Variants in TECTA observed in about 807,000 individuals in gnomAD.
TECTA encodes tectorin alpha, also known as alpha-tectorin.
A neutral mutation model predicts 216.8 loss-of-function variants in TECTA; 128 were observed. The observed-to-expected ratio is 0.59, with a 90% CI of 0.51 to 0.68. The LOEUF is 0.68. Among genes scored for constraint, TECTA ranks in the 30% least tolerant of loss-of-function variants. The pLI, the probability that TECTA is intolerant of heterozygous loss-of-function variation, is 0.00. For missense variants in TECTA, 2,551 were observed against 2,786.2 expected (o/e 0.92, Z 1.90); for synonymous variants, 1,089 against 1,117.1 (o/e 0.97, Z 0.50).
chr11:121,187,432 C>T (rs1169262263), intron 20 of TECTA, among the ~76,000 whole-genome samples: 2 of 152,188 alleles, frequency 1.3e-5, no homozygotes, highest in Non-Finnish European at 2.9e-5. Flanking sequence ...GTCAGGGGCC[C>T]TTGCCAACAT....
chr11:121,141,530 C>G (rs984927998), intron 11 of TECTA, among the ~76,000 whole-genome samples: 1 of 152,148 alleles, frequency 6.6e-6, no homozygotes, highest in East Asian at 1.9e-4. Flanking sequence ...AGAAGGTGAG[C>G]CACTCCTGGG....
At chr11:121,106,843 C>G (rs1237635348) in intron 3 of TECTA, among the ~76,000 whole-genome samples, 2 of 152,188 alleles carry the variant, frequency 1.3e-5, no homozygotes, top group African/African-American at 4.8e-5. Flanking sequence ...CCTGCAGAAG[C>G]AGCGTCACAC....
rs1946469041 is a variant in TECTA, at chr11:121,113,771, A to G, written c.790+53A>G. ...GGCAGGGTTTGTTTAGTGTAGATTG[A>G]CAGGCAAGCTTTTAAGCCACGGGGG... On this transcript the variant is annotated intron_variant, in intron 6 of 23. Transcript: ENST00000392793. This position sits in a 1 kb window ranked among gnomAD's most constrained non-coding sequence, Gnocchi z 4.2. 2 of 1,607,120 alleles carry G rather than the reference A, an allele frequency of 1.2e-6. No homozygotes were observed. Among genetic ancestry groups the G allele is most frequent in the African/African-American group, 1.3e-5 (1 of 74,478 alleles).
At chr11:121,160,519 C>A in intron 15 of TECTA, 98 bp downstream of exon 15, 1 of 1,508,624 alleles carries the variant, frequency 6.6e-7, no homozygotes, top group Non-Finnish European at 9.1e-7. Flanking sequence ...TTAGCACTGC[C>A]CCTGCTCTCC....
At chr11:121,166,441 A>C in intron 17 of TECTA, 137 bp from the exon 18 acceptor site, 1 of 852,120 alleles carries the variant, frequency 1.2e-6, no homozygotes, top group South Asian at 1.4e-5. Context: ...TGATCAAAGC[A>C]TAATTAGAAA....
At position 121,109,535 on chromosome 11, in the gene TECTA, C is replaced by G. The variant is rs112018995; in HGVS notation, c.486+37C>G. The G allele has an allele frequency of 8.3e-4, 1,337 of 1,611,900 alleles. 9 individuals carry two copies. In the African/African-American group the frequency reaches 0.013, roughly 15 times the overall value. On this transcript the variant is annotated intron_variant, in intron 4 of 23. Transcript: ENST00000392793. ...AATTTTCTGCTTTCCACTTCATAAC[C>G]TGACATCTAATTCTTGTCCATCTTC...
At chr11:121,187,017 A>C (rs1947294897) in intron 20 of TECTA, among the ~76,000 whole-genome samples, 1 of 152,222 alleles carries the variant, frequency 6.6e-6, no homozygotes. Flanking sequence ...GCTGTTGGCA[A>C]ACTCAGAAAA....
In TECTA at chr11:121,106,099, G is replaced by T; in HGVS notation, c.198+135G>T. 2.2e-6 allele frequency: 3 copies of T among 1,343,880 alleles called. No individual in the cohort carries two copies. The South Asian group carries it at 3.6e-5, about 16-fold the overall frequency. 83.2% of individuals were successfully genotyped at this position (1,343,880 alleles called of 1,614,324 possible). Reference sequence around the variant, plus strand: ...TGGCAGCCAAAACGACAAGTTCTGAGATTTCATGAGCTGATAGGTTTTATG... The same window carrying T: ...TGGCAGCCAAAACGACAAGTTCTGATATTTCATGAGCTGATAGGTTTTATG... On this transcript the variant is annotated intron_variant, in intron 3 of 23. Transcript: ENST00000392793.
chr11:121,161,419 A>G (rs775936684), intron 15 of TECTA, among the ~76,000 whole-genome samples: 1 of 151,910 alleles, frequency 6.6e-6, no homozygotes, highest in Non-Finnish European at 1.5e-5. Context: ...TGGACATTAC[A>G]TTTAGAACAC....
Position 121,146,017 on chromosome 11 carries a change from G to T in TECTA, c.4006G>T (p.Gly1336Cys). The change falls in exon 12 of 24, where the codon GGC (glycine) becomes TGC (cysteine). Residue 1336 changes from glycine (G) to cysteine (C), a missense_variant. Around this residue, in one of 3 missense-constraint regions of TECTA, gnomAD observed 2,375 missense variants for 2,563.9 expected, o/e 0.93. Transcript: ENST00000392793. ...NCLFDSCIDG[G>C]AVQTACSWLQ... Reference sequence around the variant, plus strand: ...CCTGTTTGACTCTTGCATCGATGGGGGCGCGGTGCAGACCGCCTGCAGCTG... The same window carrying T: ...CCTGTTTGACTCTTGCATCGATGGGTGCGCGGTGCAGACCGCCTGCAGCTG... The T allele has an allele frequency of 1.9e-6, 3 of 1,614,072 alleles. No homozygotes were observed. The highest frequency in any genetic ancestry group is 2.5e-6 in the Non-Finnish European group (3 of 1,180,050).
intron 4 of TECTA, among the ~76,000 whole-genome samples, chr11:121,111,466 A>G (rs1302484001): frequency 3.9e-5 from 6 of 152,218 alleles, no homozygotes; most frequent in Admixed American, 2.0e-4. Flanking sequence ...ATGAACGTTG[A>G]AGAATTCTGT....
chr11:121,137,971 C>A lies in TECTA; in HGVS notation c.3492C>A (p.Thr1164=). The A allele has an allele frequency of 6.2e-7, 1 of 1,613,034 alleles. No homozygotes were observed. The highest frequency in any genetic ancestry group is 1.1e-5 in the South Asian group (1 of 91,062). The change falls in exon 11 of 24, where the codon ACC becomes ACA. Residue 1164 remains threonine, a synonymous_variant. Transcript: ENST00000392793. ...TGTGGGTTAAGCAGGTGGACGTGAC[C>A]GTGTTTGGCTACAGCATCGTGATCC... ...LALWVKQVDV[T]VFGYSIVIHR...
chr11:121,150,141 T>C (rs1237258729), intron 12 of TECTA, among the ~76,000 whole-genome samples: 1 of 152,146 alleles, frequency 6.6e-6, no homozygotes, highest in Non-Finnish European at 1.5e-5. Flanking sequence ...AACAAGTGAA[T>C]ACTGGCCCAT....
chr11:121,118,989 A>T (rs1308071920), intron 7 of TECTA, among the ~76,000 whole-genome samples: 3 of 135,424 alleles, frequency 2.2e-5, no homozygotes, highest in African/African-American at 8.6e-5. Context: ...ATAAACACTG[A>T]TAGGCACACA....
At position 121,158,014 on chromosome 11, in the gene TECTA, C is replaced by CACCT. The variant is rs761151293; in HGVS notation, c.4479_4480insACCT (p.Val1494ThrfsTer58). 2 of 1,612,724 alleles carry CACCT rather than the reference C, an allele frequency of 1.2e-6. No homozygotes were observed. The highest frequency in any genetic ancestry group is 2.2e-5 in the South Asian group (2 of 91,046). ...CCTACTGCCTGGCGGCCGGCGGCGG[C>CACCT]GTCTTCCGCACCTTCGACGGCGCCT... On this transcript the variant is annotated frameshift_variant, in exon 14 of 24. Coordinates refer to ENST00000392793, the MANE Select transcript of TECTA (RefSeq NM_005422.4). LOFTEE classifies it high-confidence loss of function.
At chr11:121,110,808 T>C (rs377370166) in intron 4 of TECTA, 1 of 152,366 alleles carries the variant, frequency 6.6e-6, no homozygotes, top group East Asian at 1.9e-4. Context: ...ATAATTTAGA[T>C]ACTTTCTGGC....
At chr11:121,149,926 A>G (rs1946873988) in intron 12 of TECTA, among the ~76,000 whole-genome samples, 1 of 152,168 alleles carries the variant, frequency 6.6e-6, no homozygotes, top group South Asian at 2.1e-4. Context: ...TGTTCTCAGC[A>G]CTGTTTTGGG....
At chr11:121,182,325 C>A (rs529024447) in intron 20 of TECTA, among the ~76,000 whole-genome samples, 3 of 151,772 alleles carry the variant, frequency 2.0e-5, no homozygotes, top group Non-Finnish European at 4.4e-5. Flanking sequence ...CATGGGAGTG[C>A]CAGTGGTGGT....
intron 11 of TECTA, among the ~76,000 whole-genome samples, chr11:121,140,373 A>G (rs1946772224): frequency 6.6e-6 from 1 of 152,116 alleles, no homozygotes; most frequent in South Asian, 2.1e-4. Flanking sequence ...TTAAGCCCCC[A>G]GTGGGTTAGC....
Sources: allele counts gnomAD v4.1 joint callset (sites outside exome capture counted in the v4.1 genomes callset), GRCh38; gene constraint gnomAD v4.1.1; regional missense constraint gnomAD v4.1.1; non-coding constraint Gnocchi (gnomAD v3.1); transcripts MANE v1.5; gene names NCBI Gene and HGNC (gene_info 2026-07-23, HGNC 2026-07-21).